The following TTLL11 variants were observed in gnomAD, a reference collection of about 807,000 sequenced individuals.
TTLL11 encodes the protein tubulin tyrosine ligase like 11.
TTLL11 carries 42 observed loss-of-function variants against 51.7 expected under a neutral mutation model. The observed-to-expected ratio is 0.81, with a 90% confidence interval of 0.64 to 1.05. The LOEUF is 1.05. TTLL11 is among the 50% of genes least tolerant of loss of function. TTLL11 has a pLI of 0.00. For synonymous variants in TTLL11, 381 were observed against 383.5 expected, an observed-to-expected ratio of 0.99 and a Z score of 0.08; for missense variants, 799 against 940.4, an observed-to-expected ratio of 0.85 and a Z score of 1.97.
chr9:122,058,284 T>A (rs1159792992), intron 1 of TTLL11, among the ~76,000 whole-genome samples: 1 of 152,196 alleles, frequency 6.6e-6, no homozygotes, highest in Non-Finnish European at 1.5e-5. Context: ...TAATGGCATG[T>A]AGCTCCATGT....
At chr9:121,878,089 G>A (rs951568315) in intron 6 of TTLL11, among the ~76,000 whole-genome samples, 1 of 152,142 alleles carries the variant, frequency 6.6e-6, no homozygotes, top group Non-Finnish European at 1.5e-5. Context: ...CGCTTTCCAC[G>A]CCATCATGCT....
At chr9:121,831,120 T>C (rs962489798) in intron 8 of TTLL11, among the ~76,000 whole-genome samples, 1 of 152,214 alleles carries the variant, frequency 6.6e-6, no homozygotes, top group African/African-American at 2.4e-5. Flanking sequence ...AGCAATCTTA[T>C]GCAGGAGGGC....
At chr9:121,866,999 C>T (rs1838199821) in intron 7 of TTLL11, among the ~76,000 whole-genome samples, 1 of 152,162 alleles carries the variant, frequency 6.6e-6, no homozygotes, top group South Asian at 2.1e-4. Flanking sequence ...AATCATAAAG[C>T]CTATCACATA....
rs372169171 is a variant in TTLL11, at chr9:122,031,759, C to G, written c.657G>C (p.Trp219Cys). ...PEEYNFYPRS[W>C]ILPDEFQLFV... is the part of the protein sequence containing the mutation. The stretch of plus-strand genomic sequence containing the variant: ...AGAGCTGGAACTCGTCAGGCAGAAT[C>G]CATGAGCGAGGGTAGAAGTTGTACT... Residue 219 changes from tryptophan to cysteine, a missense_variant, in exon 3 of 9, where the codon TGG becomes TGC. Physicochemically the swap from Trp to Cys is radical, Grantham distance 215. This residue lies in a region of TTLL11 where 468 missense variants were observed against 612.8 expected (regional missense o/e 0.76). Coordinates refer to ENST00000321582, the MANE Select transcript of TTLL11 (RefSeq NM_001139442.2). 63 of 1,613,156 alleles carry G rather than the reference C, an allele frequency of 3.9e-5. No homozygotes were observed. Among genetic ancestry groups the G allele is most frequent in the African/African-American group, 9.3e-5 (7 of 74,880 alleles).
intron 6 of TTLL11, among the ~76,000 whole-genome samples, chr9:121,893,887 A>G (rs1839352323): frequency 6.6e-6 from 1 of 152,206 alleles, no homozygotes; most frequent in African/African-American, 2.4e-5. Flanking sequence ...ACAATGAACT[A>G]TTCTTTGCAA....
intron 1 of TTLL11, among the ~76,000 whole-genome samples, chr9:122,083,495 C>T (rs1457464832): frequency 6.6e-6 from 1 of 152,112 alleles, no homozygotes; most frequent in African/African-American, 2.4e-5. Context: ...ACAATTTAGC[C>T]ATCCTGATAT....
At chr9:121,905,322 C>T (rs1005021461) in intron 6 of TTLL11, among the ~76,000 whole-genome samples, 1 of 151,914 alleles carries the variant, frequency 6.6e-6, no homozygotes, top group Non-Finnish European at 1.5e-5. Context: ...TCACACTATA[C>T]ATACAATTTT....
chr9:121,835,335 A>T (rs1374804538), intron 8 of TTLL11, among the ~76,000 whole-genome samples: 2 of 152,112 alleles, frequency 1.3e-5, no homozygotes, highest in African/African-American at 4.8e-5. Flanking sequence ...CACCTGCCCA[A>T]GGTCACACTC....
chr9:122,043,020 TC>T (rs1844888558), intron 1 of TTLL11, among the ~76,000 whole-genome samples: 1 of 152,214 alleles, frequency 6.6e-6, no homozygotes, highest in Non-Finnish European at 1.5e-5. Context: ...TAGATACATG[TC>T]ATTATACATT....
chr9:122,013,133 T>C (rs57233960), intron 3 of TTLL11, among the ~76,000 whole-genome samples: 24,320 of 152,108 alleles, frequency 0.16, 3,607 homozygotes, highest in African/African-American at 0.39. Context: ...GATGAGGAAA[T>C]TGAGGCTCAG....
rs528346446 is a variant in TTLL11 at position 122,022,321 on chromosome 9, A to G, written c.693+9402T>C. ...AACATGAGAAATATAAAAGAAAATTACATCAAGACACATCATAATCAAATT... is the reference window on the plus strand; with the variant it reads ...AACATGAGAAATATAAAAGAAAATTGCATCAAGACACATCATAATCAAATT... On this transcript the variant is annotated intron_variant, in intron 3 of 8. Transcript: ENST00000321582. Among the ~76,000 whole-genome samples, 5 of 152,228 alleles carry G rather than the reference A, an allele frequency of 3.3e-5. No individual in the cohort carries two copies. The South Asian group carries it at 6.2e-4, about 19-fold the overall frequency.
chr9:122,078,799 T>G (rs745324082), intron 1 of TTLL11, among the ~76,000 whole-genome samples: 1 of 152,064 alleles, frequency 6.6e-6, no homozygotes, highest in African/African-American at 2.4e-5. Flanking sequence ...CTAAAGCTCA[T>G]GCTTACACCC....
At chr9:122,036,367 T>C (rs1304343223) in intron 2 of TTLL11, among the ~76,000 whole-genome samples, 3 of 151,930 alleles carry the variant, frequency 2.0e-5, no homozygotes, top group Non-Finnish European at 4.4e-5. Context: ...GCAAAAGACC[T>C]GCTCAGAACC....
intron 6 of TTLL11, among the ~76,000 whole-genome samples, chr9:121,952,458 A>AAC: frequency 6.6e-6 from 1 of 151,722 alleles, no homozygotes; most frequent in Non-Finnish European, 1.5e-5. Flanking sequence ...AAAAAAAAAA[A>AAC]AAAAACTGGA....
chr9:121,896,614 G>A (rs1177920573), intron 6 of TTLL11, among the ~76,000 whole-genome samples: 1 of 152,240 alleles, frequency 6.6e-6, no homozygotes, highest in Non-Finnish European at 1.5e-5. Context: ...CTGGGTCCGA[G>A]GTTGCATAGA....
rs970072202 is a variant in TTLL11, at chr9:122,039,207, T to A, written c.559+65A>T. ...CTCAAAAATAACTGTCATGTTTTAG[T>A]AGAAGAGTGTATCTGAGACTTGGCC... On this transcript the variant is annotated intron_variant, in intron 2 of 8. Transcript: ENST00000321582. The A allele has an allele frequency of 4.3e-5, 57 of 1,310,758 alleles. 1 individual carries two copies. In the African/African-American group the frequency reaches 5.3e-4, roughly 12 times the overall value. 81.2% of individuals were successfully genotyped at this position (1,310,758 alleles called of 1,614,324 possible).
rs1220155965 is a variant in TTLL11, at chr9:122,031,797, GATTCT to G, written c.614_618del (p.Gln205ProfsTer4). On this transcript the variant is annotated frameshift_variant, in exon 3 of 9. Transcript: ENST00000321582. LOFTEE classifies it high-confidence loss of function. The stretch of plus-strand genomic sequence containing the variant: ...TAGAAGTTGTACTCCTCAGGAAAGA[GATTCT>G]GCATGGTTCTCACTGCTCTGCTCAG... 1.2e-6 allele frequency: 2 copies of G among 1,614,108 alleles called. No individual in the cohort carries two copies. Among genetic ancestry groups the G allele is most frequent in the Admixed American group, 1.7e-5 (1 of 60,022 alleles).
intron 8 of TTLL11, among the ~76,000 whole-genome samples, chr9:121,859,000 C>T (rs1837916343): frequency 6.6e-6 from 1 of 152,178 alleles, no homozygotes; most frequent in Admixed American, 6.5e-5. Context: ...GCGTGGGTGC[C>T]AGGGTGCTGC....
At chr9:122,067,493 T>C (rs1047162537) in intron 1 of TTLL11, among the ~76,000 whole-genome samples, 1 of 152,184 alleles carries the variant, frequency 6.6e-6, no homozygotes, top group Non-Finnish European at 1.5e-5. Context: ...GAGAAGAGGA[T>C]ACAAAACTCT....
Sources: gnomAD v4.1 joint callset for allele counts (sites outside exome capture counted in the v4.1 genomes callset) on GRCh38, gnomAD v4.1.1 for gene constraint, gnomAD v4.1.1 regional missense constraint, MANE v1.5 for transcripts, NCBI Gene and HGNC (gene_info 2026-07-23, HGNC 2026-07-21) for gene names.